The following CABIN1 variants were observed in gnomAD, a reference collection of about 807,000 sequenced individuals.
CABIN1 encodes calcineurin binding protein 1.
Under a neutral mutation model 227.7 loss-of-function variants are expected in CABIN1, and 133 were observed. That is an observed-to-expected ratio of 0.58 (90% CI 0.51 to 0.67). The LOEUF (loss-of-function observed/expected upper bound fraction) is 0.67. CABIN1 is among the 30% of genes least tolerant of loss of function. The probability of loss-of-function intolerance (pLI) is 0.00; values close to 1 mark genes in which losing one functional copy is unlikely to be tolerated. For missense variants in CABIN1, 2,408 were observed against 2,852.5 expected, an observed-to-expected ratio of 0.84 and a Z score of 3.55; for synonymous variants, 1,086 against 1,155.1, an observed-to-expected ratio of 0.94 and a Z score of 1.21.
chr22:24,133,908 C>G (rs1449292727), intron 28 of CABIN1, among the ~76,000 whole-genome samples: 1 of 152,168 alleles, frequency 6.6e-6, no homozygotes, highest in Non-Finnish European at 1.5e-5. Flanking sequence ...TACCACTGGC[C>G]GTGAATAAGG....
intron 34 of CABIN1, 84 bp from the exon 35 acceptor site, chr22:24,176,027 T>G (rs2148824503): frequency 6.8e-7 from 1 of 1,477,996 alleles, no homozygotes; most frequent in Non-Finnish European, 9.3e-7. Context: ...GGGCACAACC[T>G]GGGCCCATAG....
chr22:24,083,108 A>G, intron 19 of CABIN1, 120 bp from the exon 20 acceptor site: 1 of 998,344 alleles, frequency 1.0e-6, no homozygotes, highest in Non-Finnish European at 1.6e-6. Flanking sequence ...GGAGCCCAAC[A>G]GACATAGCCA....
chr22:24,048,970 T>C (rs1649377171), intron 6 of CABIN1, 121 bp from the exon 7 acceptor site: 4 of 1,157,188 alleles, frequency 3.5e-6, no homozygotes, highest in African/African-American at 3.0e-5. Context: ...AAGTGGTATC[T>C]CATTATTTTT....
Position 24,169,676 on chromosome 22 carries a change from A to G in CABIN1, c.5757+1155A>G, listed in dbSNP as rs555145466. On this transcript the variant is annotated intron_variant, in intron 33 of 36. Coordinates refer to ENST00000263119, the MANE Select transcript of CABIN1 (RefSeq NM_012295.4). ...TGGGCGCAGGCCCAGGCCCAGGTCC[A>G]CCAGGGTGCCCCTGCCTCCTCCACT... 3.3e-5 allele frequency among the ~76,000 whole-genome samples: 5 copies of G among 152,280 alleles called. No individual in the cohort carries two copies. The East Asian group carries it at 9.7e-4, about 29-fold the overall frequency.
At chr22:24,136,247 A>T (rs1358959330) in intron 29 of CABIN1, among the ~76,000 whole-genome samples, 1 of 151,642 alleles carries the variant, frequency 6.6e-6, no homozygotes, top group East Asian at 1.9e-4. Flanking sequence ...CTCTAACAGT[A>T]TCTCTTGGAG....
rs199800229 is a variant in CABIN1, at chr22:24,036,093, G to A, written c.8G>A (p.Arg3Gln). Residue 3 changes from arginine (R) to glutamine (Q), a missense_variant, in exon 3 of 37, where the codon CGA (arginine) becomes CAA (glutamine). Coordinates refer to ENST00000263119, the MANE Select transcript of CABIN1 (RefSeq NM_012295.4). ...CCACCAAACCCCTGTTTCTAGATTC[G>A]AATTGCAGCCTTAAATGCCAGCTCC... MI[R>Q]IAALNASSTI... The A allele has an allele frequency of 1.2e-5, 19 of 1,612,984 alleles. No homozygotes were observed. In the Admixed American group the frequency reaches 2.3e-4, roughly 20 times the overall value.
At chr22:24,069,514 C>G (rs1218081025) in intron 16 of CABIN1, among the ~76,000 whole-genome samples, 1 of 152,218 alleles carries the variant, frequency 6.6e-6, no homozygotes, top group Non-Finnish European at 1.5e-5. Context: ...TTAGCAGGTC[C>G]TTGTCTTGTC....
At chr22:24,073,534 A>G (rs2040236740) in intron 18 of CABIN1, among the ~76,000 whole-genome samples, 1 of 152,170 alleles carries the variant, frequency 6.6e-6, no homozygotes, top group Non-Finnish European at 1.5e-5. Context: ...TCAGAAAGTT[A>G]CCAGCTGCTC....
At chr22:24,142,524 C>T (rs1466467866) in intron 29 of CABIN1, among the ~76,000 whole-genome samples, 1 of 152,168 alleles carries the variant, frequency 6.6e-6, no homozygotes, top group African/African-American at 2.4e-5. Context: ...CATCACCTCC[C>T]TGACCAGCCC....
intron 25 of CABIN1, among the ~76,000 whole-genome samples, chr22:24,097,426 C>T (rs573466623): frequency 1.7e-4 from 26 of 152,280 alleles, no homozygotes; most frequent in Non-Finnish European, 3.5e-4. Flanking sequence ...TTTGCTTTTT[C>T]CCCTGACAGT....
At chr22:24,087,322 G>A in intron 22 of CABIN1, 130 bp from the exon 23 acceptor site, 2 of 1,159,738 alleles carry the variant, frequency 1.7e-6, no homozygotes, top group South Asian at 2.6e-5. Context: ...GAGTGGCAGA[G>A]TTGGGCTCTG....
At chr22:24,084,899 C>A (rs1422792262) in intron 21 of CABIN1, 107 bp from the exon 22 acceptor site, 5 of 1,563,076 alleles carry the variant, frequency 3.2e-6, no homozygotes, top group Non-Finnish European at 4.4e-6. Flanking sequence ...GACTGAGGGG[C>A]AGGAGAGGCT....
intron 28 of CABIN1, among the ~76,000 whole-genome samples, chr22:24,131,631 T>C (rs1030064707): frequency 3.3e-5 from 5 of 152,274 alleles, no homozygotes; most frequent in African/African-American, 1.2e-4. Context: ...GAGTCCCTTA[T>C]CCCCATAACA....
intron 14 of CABIN1, 51 bp downstream of exon 14, chr22:24,063,197 G>T (rs1569150454): frequency 6.3e-7 from 1 of 1,592,010 alleles, no homozygotes; most frequent in East Asian, 2.2e-5. Flanking sequence ...ACCCAGCAGG[G>T]TGGGCAGAAA....
chr22:24,122,957 A>T (rs982441108), intron 28 of CABIN1, among the ~76,000 whole-genome samples: 2 of 152,116 alleles, frequency 1.3e-5, no homozygotes, highest in Non-Finnish European at 2.9e-5. Context: ...GGTCACACAG[A>T]GCTGAGTGAC....
At chr22:24,105,319 G>A (rs1373400018) in intron 26 of CABIN1, among the ~76,000 whole-genome samples, 1 of 152,200 alleles carries the variant, frequency 6.6e-6, no homozygotes, top group Non-Finnish European at 1.5e-5. Context: ...ATCCCCCTAA[G>A]GATTCAGAGG....
rs751881919 is a variant in CABIN1, at chr22:24,167,117, G to T, written c.5486G>T (p.Gly1829Val). 7 of 1,567,598 alleles carry T rather than the reference G, an allele frequency of 4.5e-6. No homozygotes were observed. In the African/African-American group the frequency reaches 5.4e-5, roughly 12 times the overall value. Residue 1829 changes from glycine (G) to valine (V), a missense_variant, in exon 32 of 37, where the codon GGG becomes GTG. Physicochemically the swap from Gly to Val is moderately radical, Grantham distance 109. Coordinates refer to ENST00000263119, the MANE Select transcript of CABIN1 (RefSeq NM_012295.4). ...GCCCCCGCCCCCGCCACCACCACAG[G>T]GACCAGGGCAGGGGGCCACCCGGAG... ...APAPAPATTT[G>V]TRAGGHPEEP... is the part of the protein sequence containing the mutation.
At chr22:24,073,493 T>C (rs1341441997) in intron 18 of CABIN1, among the ~76,000 whole-genome samples, 2 of 152,214 alleles carry the variant, frequency 1.3e-5, no homozygotes, top group Non-Finnish European at 2.9e-5. Flanking sequence ...TCTCCTTCCC[T>C]TCACATTCTC....
intron 1 of CABIN1, among the ~76,000 whole-genome samples, chr22:24,014,361 T>C (rs1448160196): frequency 6.6e-6 from 1 of 152,232 alleles, no homozygotes; most frequent in East Asian, 1.9e-4. Context: ...TGTTCCAGCA[T>C]TGGCTATTTA....
Sources: gnomAD v4.1 joint callset for allele counts (sites outside exome capture counted in the v4.1 genomes callset) on GRCh38, gnomAD v4.1.1 for gene constraint, MANE v1.5 for transcripts, NCBI Gene and HGNC (gene_info 2026-07-23, HGNC 2026-07-21) for gene names.